The following GRIP1 variants were observed in gnomAD, a reference collection of about 807,000 sequenced individuals.
The protein encoded by GRIP1 is glutamate receptor interacting protein 1.
Under a neutral mutation model 129.9 loss-of-function variants are expected in GRIP1, and 45 were observed. The observed-to-expected ratio is 0.35, with a 90% confidence interval of 0.27 to 0.44. The LOEUF (loss-of-function observed/expected upper bound fraction) is 0.44. GRIP1 is among the 20% of genes least tolerant of loss of function. The pLI is 1.00. For synonymous variants in GRIP1, 530 were observed against 520.8 expected (o/e 1.02, Z -0.24); for missense variants, 1,196 against 1,396.8 (o/e 0.86, Z 2.29).
chr12:66,830,241 A>G (rs2039492319), intron 1 of GRIP1, among the ~76,000 whole-genome samples: 1 of 152,168 alleles, frequency 6.6e-6, no homozygotes, highest in Non-Finnish European at 1.5e-5. Context: ...AGAACCTGTG[A>G]ATATGTTACC....
intron 7 of GRIP1, among the ~76,000 whole-genome samples, chr12:66,501,344 C>T (rs1000576370): frequency 1.2e-4 from 18 of 152,070 alleles, no homozygotes; most frequent in Non-Finnish European, 2.4e-4. Context: ...AATTACGTCA[C>T]GCCTGGTGGG....
chr12:66,889,305 C>T (rs1338538333), intron 1 of GRIP1, among the ~76,000 whole-genome samples: 2 of 151,964 alleles, frequency 1.3e-5, no homozygotes, highest in Non-Finnish European at 2.9e-5. Flanking sequence ...ACTACAAATA[C>T]AAAAAATTAG....
intron 19 of GRIP1, among the ~76,000 whole-genome samples, chr12:66,386,362 T>G (rs1210795586): frequency 6.6e-6 from 1 of 152,134 alleles, no homozygotes; most frequent in Non-Finnish European, 1.5e-5. Context: ...GGCCGGGCGC[T>G]GTGGCTCACG....
chr12:66,999,422 CAGACTATCTCCAA>C (rs907509015), intron 1 of GRIP1, among the ~76,000 whole-genome samples: 1 of 152,124 alleles, frequency 6.6e-6, no homozygotes, highest in African/African-American at 2.4e-5. Flanking sequence ...GAAACCCAAG[CAGACTATCTCCAA>C]AGCCCATGCA....
chr12:66,386,040 T>G (rs1278252836), intron 19 of GRIP1, among the ~76,000 whole-genome samples: 4 of 152,196 alleles, frequency 2.6e-5, no homozygotes, highest in Non-Finnish European at 5.9e-5. Flanking sequence ...TCACTGATAT[T>G]AATGTTTAGT....
intron 8 of GRIP1, 109 bp downstream of exon 8, chr12:66,465,166 G>A (rs1423209604): frequency 8.2e-6 from 7 of 852,384 alleles, no homozygotes; most frequent in East Asian, 2.8e-5. Flanking sequence ...AGCTGGTCTC[G>A]AACTCCTGAC....
upstream of GRIP1, among the ~76,000 whole-genome samples, chr12:66,683,678 G>C (rs1289251087): frequency 6.6e-6 from 1 of 152,142 alleles, no homozygotes; most frequent in Non-Finnish European, 1.5e-5. Context: ...TGCTTATCTA[G>C]GCAGGGCTCT....
At chr12:67,026,908 TTGTG>T (rs906898159) in intron 1 of GRIP1, among the ~76,000 whole-genome samples, 3 of 152,178 alleles carry the variant, frequency 2.0e-5, no homozygotes, top group African/African-American at 7.2e-5. Flanking sequence ...CTTTGCTTGT[TTGTG>T]TGTTTGTAGT....
At chr12:66,581,651 C>G (rs1389297619) in intron 2 of GRIP1, among the ~76,000 whole-genome samples, 1 of 151,754 alleles carries the variant, frequency 6.6e-6, no homozygotes, top group African/African-American at 2.4e-5. Flanking sequence ...ACTAGAAAAT[C>G]TAGAAGAAAT....
At chr12:66,802,521 A>C (rs2038887500) in intron 1 of GRIP1, among the ~76,000 whole-genome samples, 1 of 152,176 alleles carries the variant, frequency 6.6e-6, no homozygotes, top group African/African-American at 2.4e-5. Context: ...CTTCTTGTCA[A>C]GACATTTTAT....
chr12:66,972,652 T>C (rs1008071236), intron 1 of GRIP1, among the ~76,000 whole-genome samples: 2 of 152,242 alleles, frequency 1.3e-5, no homozygotes, highest in Non-Finnish European at 2.9e-5. Context: ...TCTTCAGATA[T>C]GTGTGACAGT....
At chr12:67,021,089 C>T (rs1224695592) in intron 1 of GRIP1, among the ~76,000 whole-genome samples, 2 of 152,012 alleles carry the variant, frequency 1.3e-5, no homozygotes, top group African/African-American at 4.8e-5. Context: ...CAGAGCAAGA[C>T]CGTGTCTCAA....
chr12:66,873,701 C>T (rs1271638229), intron 1 of GRIP1, among the ~76,000 whole-genome samples: 1 of 152,008 alleles, frequency 6.6e-6, no homozygotes, highest in African/African-American at 2.4e-5. Flanking sequence ...GTCCCTGGTG[C>T]TATGACTCCT....
At chr12:67,066,435 G>GA (rs912918841) in intron 1 of GRIP1, among the ~76,000 whole-genome samples, 7 of 152,164 alleles carry the variant, frequency 4.6e-5, no homozygotes, top group East Asian at 3.9e-4. Context: ...AAATCTACAT[G>GA]AAAAAAATGT....
rs139615159 is a variant in GRIP1 at position 66,737,114 on chromosome 12, A to C, written c.-420+66939T>G. On this transcript the variant is annotated intron_variant, in intron 1 of 4. Coordinates refer to the GRIP1 transcript ENST00000538373. Reference sequence around the variant, plus strand: ...TAAATTATGGGGCTAAACAAGGGTCAGTTTCCTTCCCTTGGATACAGGGGT... The same window carrying C: ...TAAATTATGGGGCTAAACAAGGGTCCGTTTCCTTCCCTTGGATACAGGGGT... 1.7e-3 allele frequency among the ~76,000 whole-genome samples: 255 copies of C among 152,270 alleles called. 3 individuals carry two copies. Among genetic ancestry groups the C allele is most frequent in the East Asian group, 8.7e-3 (45 of 5,178 alleles).
intron 1 of GRIP1, among the ~76,000 whole-genome samples, chr12:66,793,300 T>A (rs1193363125): frequency 6.6e-6 from 1 of 152,206 alleles, no homozygotes; most frequent in Non-Finnish European, 1.5e-5. Context: ...CCTCCTGCTC[T>A]TGTACTACGT....
At chr12:66,447,009 T>G (rs904554064) in intron 11 of GRIP1, among the ~76,000 whole-genome samples, 1 of 152,200 alleles carries the variant, frequency 6.6e-6, no homozygotes, top group South Asian at 2.1e-4. Context: ...AGCAACAGAT[T>G]TTTCCCCCTT....
intron 9 of GRIP1, among the ~76,000 whole-genome samples, chr12:66,459,195 A>G (rs1050907790): frequency 2.6e-5 from 4 of 152,242 alleles, no homozygotes; most frequent in Non-Finnish European, 4.4e-5. Flanking sequence ...AAATGCATGA[A>G]TGAACGGGAA....
intron 9 of GRIP1, among the ~76,000 whole-genome samples, chr12:66,458,765 A>G (rs1202472257): frequency 2.6e-5 from 4 of 152,200 alleles, no homozygotes; most frequent in Non-Finnish European, 5.9e-5. Context: ...TCTACCCATC[A>G]TTTGTATATT....
Sources: allele counts gnomAD v4.1 joint callset (sites outside exome capture counted in the v4.1 genomes callset), GRCh38; gene constraint gnomAD v4.1.1; transcripts MANE v1.5; gene names NCBI Gene and HGNC (gene_info 2026-07-23, HGNC 2026-07-21).